The following ABLIM1 variants were observed in gnomAD, a reference collection of about 807,000 sequenced individuals.
ABLIM1 encodes actin binding LIM protein 1.
ABLIM1 carries 40 observed loss-of-function variants against 107.0 expected under a neutral mutation model. The ratio of observed to expected loss-of-function variants is 0.37; its 90% CI spans 0.29 to 0.49. ABLIM1 has a LOEUF of 0.49. Among genes scored for constraint, ABLIM1 ranks in the 20% least tolerant of loss-of-function variants. The pLI is 0.97. For synonymous variants in ABLIM1, 357 were observed against 357.3 expected (o/e 1.00, Z 0.01); for missense variants, 857 against 1,008.5 (o/e 0.85, Z 2.04).
intron 22 of ABLIM1, among the ~76,000 whole-genome samples, chr10:114,437,412 G>A (rs1236137367): frequency 6.6e-6 from 1 of 150,740 alleles, no homozygotes; most frequent in African/African-American, 2.4e-5. Flanking sequence ...TCCACCTCCT[G>A]GATTCAAGCG....
chr10:114,784,053 A>G, the ABLIM1 span, among the ~76,000 whole-genome samples: 4 of 152,032 alleles, frequency 2.6e-5, no homozygotes, highest in African/African-American at 9.7e-5. Context: ...ACACTTTTCT[A>G]AAGAAACGGA....
intron 1 of ABLIM1, among the ~76,000 whole-genome samples, chr10:114,676,179 C>T (rs1294547645): frequency 1.3e-5 from 2 of 152,132 alleles, no homozygotes; most frequent in Admixed American, 6.6e-5. Context: ...GGTATAACAA[C>T]AAATGAAAAG....
upstream of ABLIM1, among the ~76,000 whole-genome samples, chr10:114,769,957 C>T (rs918671039): frequency 6.6e-6 from 1 of 152,142 alleles, no homozygotes; most frequent in Non-Finnish European, 1.5e-5. Context: ...CAACTCTCCT[C>T]TCCCACTATC....
intron 1 of ABLIM1, among the ~76,000 whole-genome samples, chr10:114,648,402 T>A (rs1451961690): frequency 6.6e-6 from 1 of 152,182 alleles, no homozygotes; most frequent in Non-Finnish European, 1.5e-5. Context: ...TTAAAAACAT[T>A]ATACTAAGTA....
intron 1 of ABLIM1, among the ~76,000 whole-genome samples, chr10:114,697,476 C>T (rs573031962): frequency 2.6e-5 from 4 of 152,344 alleles, no homozygotes; most frequent in African/African-American, 9.6e-5. Flanking sequence ...CCGGGCCAGC[C>T]CACTCAGCCC....
chr10:114,742,106 T>C (rs959470503), intron 1 of ABLIM1, among the ~76,000 whole-genome samples: 1 of 152,230 alleles, frequency 6.6e-6, no homozygotes, highest in South Asian at 2.1e-4. Flanking sequence ...TTAATTCTCA[T>C]AGATTTTGCT....
intron 8 of ABLIM1, among the ~76,000 whole-genome samples, chr10:114,481,730 C>A (rs1037186229): frequency 2.6e-5 from 4 of 152,194 alleles, no homozygotes; most frequent in African/African-American, 9.6e-5. Context: ...CAGTATAAAT[C>A]TTTACACCTC....
chr10:114,742,388 C>T (rs2082305406), intron 1 of ABLIM1, among the ~76,000 whole-genome samples: 1 of 152,034 alleles, frequency 6.6e-6, no homozygotes, highest in Admixed American at 6.6e-5. Flanking sequence ...ACTCCATCTA[C>T]AAAAAAAGAG....
At chr10:114,634,656 T>G (rs184980995) in intron 1 of ABLIM1, among the ~76,000 whole-genome samples, 1 of 152,278 alleles carries the variant, frequency 6.6e-6, no homozygotes, top group African/African-American at 2.4e-5. Context: ...AGGAAAATAC[T>G]ACATAGTGGT....
Position 114,545,211 on chromosome 10 carries a change from C to G in ABLIM1, c.801-113G>C, listed in dbSNP as rs1384058173. ...CAGAAGGGCAGGACATATTTCTCCCCTGCCCAGTGTTCACATGCCTGGCAA... is the reference window on the plus strand; with the variant it reads ...CAGAAGGGCAGGACATATTTCTCCCGTGCCCAGTGTTCACATGCCTGGCAA... On this transcript the variant is annotated intron_variant, in intron 5 of 22. Transcript: ENST00000533213. The G allele has an allele frequency of 8.4e-6, 8 of 953,554 alleles. No individual in the cohort carries two copies. The East Asian group carries it at 2.0e-4, about 24-fold the overall frequency. 59.1% of individuals were successfully genotyped at this position (953,554 alleles called of 1,614,324 possible).
At chr10:114,705,626 T>C (rs1312112938) in intron 1 of ABLIM1, among the ~76,000 whole-genome samples, 1 of 152,178 alleles carries the variant, frequency 6.6e-6, no homozygotes, top group Non-Finnish European at 1.5e-5. Context: ...AACAAAAATC[T>C]ACTCAGACCC....
At chr10:114,598,679 A>C (rs1374347455) in intron 2 of ABLIM1, among the ~76,000 whole-genome samples, 2 of 152,180 alleles carry the variant, frequency 1.3e-5, no homozygotes, top group Admixed American at 6.6e-5. Flanking sequence ...GAAAAAAAAG[A>C]ATGTCAAGTA....
chr10:114,676,541 G>A (rs1464471976), intron 1 of ABLIM1, among the ~76,000 whole-genome samples: 1 of 151,944 alleles, frequency 6.6e-6, no homozygotes, highest in Non-Finnish European at 1.5e-5. Context: ...GTAACCATGA[G>A]ACTGGATTTA....
intron 6 of ABLIM1, among the ~76,000 whole-genome samples, chr10:114,514,543 T>G (rs1276972095): frequency 6.6e-6 from 1 of 151,976 alleles, no homozygotes; most frequent in East Asian, 1.9e-4. Flanking sequence ...CCCAACTAAT[T>G]TAAAAAAATT....
chr10:114,522,791 T>G (rs1374177314), intron 6 of ABLIM1, among the ~76,000 whole-genome samples: 6 of 152,220 alleles, frequency 3.9e-5, no homozygotes, highest in African/African-American at 1.4e-4. Flanking sequence ...AGGCTGCACC[T>G]TAAGCCTCTG....
chr10:114,634,575 T>C (rs1175373738), intron 1 of ABLIM1, among the ~76,000 whole-genome samples: 1 of 152,234 alleles, frequency 6.6e-6, no homozygotes, highest in Admixed American at 6.5e-5. Flanking sequence ...AAAGGCTCTC[T>C]GGCAGCTTTG....
chr10:114,625,319 G>A (rs566474211), intron 1 of ABLIM1, among the ~76,000 whole-genome samples: 3 of 152,270 alleles, frequency 2.0e-5, no homozygotes, highest in Admixed American at 1.3e-4. Context: ...CCTGAGGATG[G>A]AATAGAAGTG....
chr10:114,457,260 GTATTTA>G (rs1461793042), intron 12 of ABLIM1, among the ~76,000 whole-genome samples: 3 of 151,944 alleles, frequency 2.0e-5, no homozygotes, highest in African/African-American at 7.3e-5. Flanking sequence ...CACCTTATCT[GTATTTA>G]TTTTTATTTT....
At chr10:114,521,077 T>C (rs1449410284) in intron 6 of ABLIM1, among the ~76,000 whole-genome samples, 1 of 152,216 alleles carries the variant, frequency 6.6e-6, no homozygotes, top group Non-Finnish European at 1.5e-5. Context: ...TGTTTATAAA[T>C]AGTATAAATA....
Sources: allele counts gnomAD v4.1 joint callset (sites outside exome capture counted in the v4.1 genomes callset), GRCh38; gene constraint gnomAD v4.1.1; transcripts MANE v1.5; gene names NCBI Gene and HGNC (gene_info 2026-07-23, HGNC 2026-07-21).